ZNF728: variants seen among roughly 807,000 people sequenced by gnomAD.
The protein encoded by ZNF728 is zinc finger protein 728.
Under a neutral mutation model 12.5 loss-of-function variants are expected in ZNF728, and 12 were observed. That is an observed-to-expected ratio of 0.96 (90% CI 0.61 to 1.55). The LOEUF is 1.55. Ranked by LOEUF, ZNF728 falls within the 40% of genes most tolerant of loss-of-function variation. ZNF728 has a pLI of 0.00. For synonymous variants in ZNF728, 205 were observed against 240.7 expected, an observed-to-expected ratio of 0.85 and a Z score of 1.37; for missense variants, 692 against 719.2, an observed-to-expected ratio of 0.96 and a Z score of 0.43.
intron 2 of ZNF728, among the ~76,000 whole-genome samples, 195 bp from the exon 3 acceptor site, chr19:22,987,598 C>A (rs1233572912): frequency 6.6e-6 from 1 of 152,092 alleles, no homozygotes; most frequent in Non-Finnish European, 1.5e-5. Flanking sequence ...CCTGGTACTA[C>A]TGAATTAAAA....
At chr19:22,995,821 A>G (rs568164008) in intron 1 of ZNF728, 1 of 152,348 alleles carries the variant, frequency 6.6e-6, no homozygotes, top group Admixed American at 6.5e-5. Flanking sequence ...ATATTGGAAT[A>G]TATCTGACAA....
At position 23,003,151 on chromosome 19, in the gene ZNF728, G is replaced by A. The variant is rs1426395837; in HGVS notation, c.-121C>T. ...CACACAGCAGTAAGGACGACACCTT[G>A]ACCTCCGCGTGCAGCGAGAGCCAAC... On this transcript the variant is annotated 5_prime_UTR_variant, in exon 1 of 4. Transcript: ENST00000594710. 5.8e-6 allele frequency: 7 copies of A among 1,207,748 alleles called. No homozygotes were observed. Among genetic ancestry groups the A allele is most frequent in the Non-Finnish European group, 8.0e-6 (7 of 879,868 alleles). 74.8% of individuals were successfully genotyped at this position (1,207,748 alleles called of 1,614,324 possible). A position where few individuals can be genotyped will look rare whatever the true frequency, so the allele number is the denominator to read the frequency against.
intron 1 of ZNF728, among the ~76,000 whole-genome samples, chr19:23,000,093 G>T (rs893982350): frequency 6.6e-6 from 1 of 152,272 alleles, no homozygotes; most frequent in Admixed American, 6.5e-5. Flanking sequence ...TGAAGGCCAG[G>T]CATGGTGGCT....
At chr19:23,001,878 T>C (rs1049886056) in intron 1 of ZNF728, among the ~76,000 whole-genome samples, 1 of 151,752 alleles carries the variant, frequency 6.6e-6, no homozygotes, top group African/African-American at 2.4e-5. Flanking sequence ...GCCGGAGAAA[T>C]AGGGGATGGG....
intron 3 of ZNF728, among the ~76,000 whole-genome samples, chr19:22,982,027 G>A (rs1038305685): frequency 6.6e-6 from 1 of 152,092 alleles, no homozygotes; most frequent in Admixed American, 6.6e-5. Flanking sequence ...AAGTTCTGGT[G>A]AGGGCAATCA....
Position 22,988,382 on chromosome 19 carries a change from G to A in ZNF728, c.73C>T (p.Gln25Ter), listed in dbSNP as rs1302829906. Residue 25 changes from glutamine (Q) to a stop codon, truncating the protein, a stop_gained, in exon 2 of 4, where the codon CAG becomes TAG. Coordinates refer to ENST00000594710, the MANE Select transcript of ZNF728 (RefSeq NM_001267716.2). LOFTEE classifies it high-confidence loss of function. ...LEEWQCLDTA[Q>*]QNLYRNVMLE... ...ATCACATTCCTATATAAATTCTGCT[G>A]TGCAGTGTCCAGGCATTGCCACTCC... is the stretch of plus-strand genomic sequence containing the variant. 6.2e-7 allele frequency: 1 copy of A among 1,614,014 alleles called. No homozygotes were observed.
chr19:22,977,095 A>C lies in ZNF728; in HGVS notation c.242T>G (p.Phe81Cys), dbSNP rs755170691. The C allele has an allele frequency of 3.8e-6, 6 of 1,574,188 alleles. No individual in the cohort carries two copies. In the African/African-American group the frequency reaches 8.2e-5, roughly 22 times the overall value. Residue 81 changes from phenylalanine (F) to cysteine (C), a missense_variant, in exon 4 of 4, where the codon TTT (phenylalanine) becomes TGT (cysteine). Phe to Cys is a radical substitution (Grantham distance 205). This residue lies in a region of ZNF728 where 440 missense variants were observed against 459.6 expected (regional missense o/e 0.96). Transcript: ENST00000594710. ...CTGCTCTGGCCAAAGGTCTTGAGCAAAATGAGAACATATAACTGAAAAGAA... is the reference window on the plus strand; with the variant it reads ...CTGCTCTGGCCAAAGGTCTTGAGCACAATGAGAACATATAACTGAAAAGAA... ...VKEPPVICSH[F>C]AQDLWPEQGR...
At chr19:22,977,233 A>C in intron 3 of ZNF728, 123 bp from the exon 4 acceptor site, 1 of 889,796 alleles carries the variant, frequency 1.1e-6, no homozygotes, top group Non-Finnish European at 1.6e-6. Flanking sequence ...ACAGGCCCTA[A>C]TTCTTCACAG....
rs745702376 is a variant in ZNF728 at position 23,003,042 on chromosome 19, C to G, written c.-12G>C. 1.3e-6 allele frequency: 2 copies of G among 1,583,178 alleles called. No individual in the cohort carries two copies. Among genetic ancestry groups the G allele is most frequent in the Non-Finnish European group, 1.7e-6 (2 of 1,164,782 alleles). On this transcript the variant is annotated 5_prime_UTR_variant, in exon 1 of 4. Coordinates refer to ENST00000594710, the MANE Select transcript of ZNF728 (RefSeq NM_001267716.2). ...GGCTGACTCACCATTTCTAGGCTTC[C>G]GGGGGTCCTGGCGACTTAGTTGTGA... is the stretch of plus-strand genomic sequence containing the variant.
At chr19:22,980,586 C>G (rs1968851768) in intron 3 of ZNF728, among the ~76,000 whole-genome samples, 1 of 152,156 alleles carries the variant, frequency 6.6e-6, no homozygotes, top group Non-Finnish European at 1.5e-5. Flanking sequence ...ACATTCTTCT[C>G]AACACCACAT....
At chr19:22,984,461 A>C (rs1319058344) in intron 3 of ZNF728, among the ~76,000 whole-genome samples, 1 of 150,856 alleles carries the variant, frequency 6.6e-6, no homozygotes. Flanking sequence ...CAGGAGGCTG[A>C]GGCAAAGGAA....
At chr19:23,001,354 C>A (rs532191069) in intron 1 of ZNF728, among the ~76,000 whole-genome samples, 52 of 152,288 alleles carry the variant, frequency 3.4e-4, no homozygotes, top group South Asian at 2.9e-3. Context: ...AACAGCACAC[C>A]AGAAGATGAC....
chr19:22,982,648 T>C (rs373427810), intron 3 of ZNF728, among the ~76,000 whole-genome samples: 1 of 152,100 alleles, frequency 6.6e-6, no homozygotes, highest in Non-Finnish European at 1.5e-5. Flanking sequence ...AGTACGGTAC[T>C]GGTATCAAAA....
intron 1 of ZNF728, among the ~76,000 whole-genome samples, chr19:22,996,675 A>G (rs1042820972): frequency 1.3e-5 from 2 of 152,236 alleles, no homozygotes; most frequent in East Asian, 1.9e-4. Flanking sequence ...TCCCAGATAA[A>G]GACAATTCTG....
At chr19:22,994,561 T>A (rs960661013) in intron 1 of ZNF728, among the ~76,000 whole-genome samples, 3 of 152,192 alleles carry the variant, frequency 2.0e-5, no homozygotes, top group Non-Finnish European at 2.9e-5. Flanking sequence ...CAAGTAGAAT[T>A]TACAGCACCA....
intron 3 of ZNF728, among the ~76,000 whole-genome samples, chr19:22,984,908 A>G (rs1296840198): frequency 6.6e-6 from 1 of 152,136 alleles, no homozygotes; most frequent in African/African-American, 2.4e-5. Flanking sequence ...AAGCTACAGA[A>G]TTAAAACAAT....
intron 1 of ZNF728, among the ~76,000 whole-genome samples, chr19:23,002,688 T>C (rs555913623): frequency 3.3e-5 from 5 of 152,308 alleles, no homozygotes; most frequent in Non-Finnish European, 7.4e-5. Flanking sequence ...CTTTCCATTC[T>C]TGAACCCACA....
In ZNF728 at chr19:22,975,408, G is replaced by C. The variant is rs1568437801; in HGVS notation, c.*60C>G. On this transcript the variant is annotated 3_prime_UTR_variant, in exon 4 of 4. Transcript: ENST00000594710. ...TTCACATTTGTAGGGTTTCCCTCCTGTATAAATACCCTTATGTTCAGTAAG... is the reference window on the plus strand; with the variant it reads ...TTCACATTTGTAGGGTTTCCCTCCTCTATAAATACCCTTATGTTCAGTAAG... 1.4e-6 allele frequency: 2 copies of C among 1,449,202 alleles called. No individual in the cohort carries two copies. Among genetic ancestry groups the C allele is most frequent in the Non-Finnish European group, 1.9e-6 (2 of 1,079,002 alleles). 89.8% of individuals were successfully genotyped at this position (1,449,202 alleles called of 1,614,324 possible). A position where few individuals can be genotyped will look rare whatever the true frequency, so the allele number is the denominator to read the frequency against.
intron 1 of ZNF728, among the ~76,000 whole-genome samples, chr19:22,997,534 C>T (rs189550676): frequency 2.1e-4 from 32 of 152,070 alleles, no homozygotes; most frequent in Admixed American, 5.9e-4. Flanking sequence ...AAATTCATAG[C>T]GTTAAATCCT....
Sources: gnomAD v4.1 joint callset for allele counts (sites outside exome capture counted in the v4.1 genomes callset) on GRCh38, gnomAD v4.1.1 for gene constraint, gnomAD v4.1.1 regional missense constraint, MANE v1.5 for transcripts, NCBI Gene and HGNC (gene_info 2026-07-23, HGNC 2026-07-21) for gene names.